Variants in RFTN2 observed in about 807,000 individuals in gnomAD.
RFTN2 encodes the protein raftlin-2.
RFTN2 carries 34 observed loss-of-function variants against 52.7 expected under a neutral mutation model. That is an observed-to-expected ratio of 0.64 (90% confidence interval 0.49 to 0.86). RFTN2 has a LOEUF of 0.86. Ranked by LOEUF, RFTN2 falls within the 40% of genes least tolerant of loss-of-function variation. RFTN2 has a pLI of 0.00. For synonymous variants in RFTN2, 203 were observed against 217.7 expected, an observed-to-expected ratio of 0.93 and a Z score of 0.59; for missense variants, 536 against 600.1, an observed-to-expected ratio of 0.89 and a Z score of 1.12.
intron 5 of RFTN2, among the ~76,000 whole-genome samples, chr2:197,626,485 G>T (rs1008632887): frequency 2.0e-5 from 3 of 151,530 alleles, no homozygotes; most frequent in African/African-American, 7.3e-5. Flanking sequence ...GATTGCCTCG[G>T]CCCAGGAGTT....
In RFTN2 at chr2:197,644,738, A is replaced by G. The variant is rs1279476293; in HGVS notation, c.324-466T>C. ...TAAAAGCAGAAAAGATAATTCACAC[A>G]TGGTTGATAAGATTTGTAATTAGGA... is the stretch of plus-strand genomic sequence containing the variant. On this transcript the variant is annotated intron_variant, in intron 2 of 8. Coordinates refer to ENST00000295049, the MANE Select transcript of RFTN2 (RefSeq NM_144629.3). Among the ~76,000 whole-genome samples, 4 of 152,158 alleles carry G rather than the reference A, an allele frequency of 2.6e-5. No homozygotes were observed. The East Asian group carries it at 5.8e-4, about 22-fold the overall frequency.
intron 1 of RFTN2, among the ~76,000 whole-genome samples, chr2:197,665,616 G>A (rs2089044918): frequency 6.8e-6 from 1 of 146,280 alleles, no homozygotes; most frequent in South Asian, 2.2e-4. Context: ...CATTTACATG[G>A]AATATCATTT....
chr2:197,610,290 C>T (rs888083343), intron 7 of RFTN2, among the ~76,000 whole-genome samples: 2 of 152,008 alleles, frequency 1.3e-5, no homozygotes, highest in African/African-American at 4.8e-5. Context: ...CTTTTATTTC[C>T]TTGAGCAGTG....
chr2:197,654,403 CA>C (rs371209461), intron 1 of RFTN2, among the ~76,000 whole-genome samples: 2 of 151,344 alleles, frequency 1.3e-5, no homozygotes, highest in Admixed American at 1.3e-4. Flanking sequence ...TTAAAACAAA[CA>C]AAAAAATCAA....
chr2:197,641,075 G>T (rs1223108395), intron 3 of RFTN2, among the ~76,000 whole-genome samples: 1 of 152,194 alleles, frequency 6.6e-6, no homozygotes, highest in African/African-American at 2.4e-5. Context: ...ATTAAATGTT[G>T]TAAATGTTAC....
chr2:197,586,498 C>T (rs979344924), intron 8 of RFTN2, among the ~76,000 whole-genome samples: 2 of 152,192 alleles, frequency 1.3e-5, no homozygotes, highest in African/African-American at 4.8e-5. Context: ...TGTCTACCTG[C>T]TAATTGGACA....
chr2:197,584,097 G>T (rs950933612), intron 8 of RFTN2, among the ~76,000 whole-genome samples: 1 of 152,174 alleles, frequency 6.6e-6, no homozygotes, highest in Non-Finnish European at 1.5e-5. Flanking sequence ...ACATGTGCAT[G>T]TGTCTTCATG....
chr2:197,592,360 T>C (rs1470305629), intron 8 of RFTN2, among the ~76,000 whole-genome samples: 1 of 152,186 alleles, frequency 6.6e-6, no homozygotes, highest in African/African-American at 2.4e-5. Context: ...CACGCCCAGC[T>C]AATTGTGTAT....
At chr2:197,597,600 A>G (rs1228655333) in intron 7 of RFTN2, among the ~76,000 whole-genome samples, 1 of 151,936 alleles carries the variant, frequency 6.6e-6, no homozygotes, top group Non-Finnish European at 1.5e-5. Context: ...GCTCACCGCA[A>G]CGTCACCTCC....
chr2:197,630,679 C>T (rs996966159), intron 5 of RFTN2, among the ~76,000 whole-genome samples: 2 of 152,114 alleles, frequency 1.3e-5, no homozygotes, highest in Non-Finnish European at 2.9e-5. Context: ...ATAGTAAACA[C>T]GAAATGCCAT....
chr2:197,577,480 A>T (rs2087437415), intron 8 of RFTN2, among the ~76,000 whole-genome samples: 1 of 152,236 alleles, frequency 6.6e-6, no homozygotes, highest in Non-Finnish European at 1.5e-5. Flanking sequence ...TGAAATTAAT[A>T]TATGCGGTGG....
chr2:197,650,575 C>CATGGTTTTAAACA (rs1183646083), intron 1 of RFTN2, among the ~76,000 whole-genome samples: 1 of 152,184 alleles, frequency 6.6e-6, no homozygotes, highest in African/African-American at 2.4e-5. Flanking sequence ...GCTTATTTCA[C>CATGGTTTTAAACA]TTAGTGTAAT....
chr2:197,575,887 A>AAT (rs1430870696), intron 8 of RFTN2, among the ~76,000 whole-genome samples: 3 of 130,272 alleles, frequency 2.3e-5, no homozygotes, highest in East Asian at 2.1e-4. Context: ...TATTATATAT[A>AAT]ATATATATAA....
intron 3 of RFTN2, among the ~76,000 whole-genome samples, chr2:197,640,590 G>A (rs1177001968): frequency 6.6e-6 from 1 of 152,064 alleles, no homozygotes; most frequent in Non-Finnish European, 1.5e-5. Flanking sequence ...GCCCTGCTTC[G>A]GCTCGCGCAC....
chr2:197,643,219 T>C (rs1046769121), intron 3 of RFTN2, among the ~76,000 whole-genome samples: 1 of 152,052 alleles, frequency 6.6e-6, no homozygotes, highest in Non-Finnish European at 1.5e-5. Context: ...GAGTACATGG[T>C]ACTACAGGCA....
At chr2:197,592,383 A>T (rs1383875332) in intron 8 of RFTN2, among the ~76,000 whole-genome samples, 1 of 152,102 alleles carries the variant, frequency 6.6e-6, no homozygotes, top group Non-Finnish European at 1.5e-5. Context: ...TTAGTAGAGA[A>T]GGGGTTTTTC....
Position 197,617,835 on chromosome 2 carries a change from C to T in RFTN2, c.1015G>A (p.Asp339Asn). ...GVPGSSRKGN[D>N]AIVVEQWTVI... ...GTCCATTGTTCTACTACGATGGCATCATTTCCTTTCCTACTAGAACCTGGA... is the reference window on the plus strand; with the variant it reads ...GTCCATTGTTCTACTACGATGGCATTATTTCCTTTCCTACTAGAACCTGGA... The change falls in exon 6 of 9, where the codon GAT (aspartate) becomes AAT (asparagine). Residue 339 changes from aspartate (D) to asparagine (N), a missense_variant. By Grantham distance (23) the Asp-to-Asn change is conservative (BLOSUM62 1). Coordinates refer to ENST00000295049, the MANE Select transcript of RFTN2 (RefSeq NM_144629.3). 6.2e-7 allele frequency: 1 copy of T among 1,608,550 alleles called. No individual in the cohort carries two copies. The highest frequency in any genetic ancestry group is 8.5e-7 in the Non-Finnish European group (1 of 1,176,208).
At chr2:197,626,587 A>AAAT (rs2088363807) in intron 5 of RFTN2, among the ~76,000 whole-genome samples, 1 of 148,614 alleles carries the variant, frequency 6.7e-6, no homozygotes, top group African/African-American at 2.5e-5. Context: ...ATAAATAAAT[A>AAAT]AAGTTAAAAT....
At chr2:197,636,222 G>C (rs1162008825) in intron 3 of RFTN2, among the ~76,000 whole-genome samples, 1 of 150,936 alleles carries the variant, frequency 6.6e-6, no homozygotes, top group East Asian at 1.9e-4. Context: ...GGCGACGCGG[G>C]CTCTTTTTTG....
Sources: gnomAD v4.1 joint callset for allele counts (sites outside exome capture counted in the v4.1 genomes callset) on GRCh38, gnomAD v4.1.1 for gene constraint, MANE v1.5 for transcripts, NCBI Gene and HGNC (gene_info 2026-07-23, HGNC 2026-07-21) for gene names.